Variants in NCOA1 observed in about 807,000 individuals in gnomAD.
The protein encoded by NCOA1 is nuclear receptor coactivator 1, also known as Hin-2 protein.
Under a neutral mutation model 150.9 loss-of-function variants are expected in NCOA1, and 35 were observed. The observed-to-expected ratio is 0.23, with a 90% CI of 0.18 to 0.31. The LOEUF (loss-of-function observed/expected upper bound fraction) is 0.31. Ranked by LOEUF, NCOA1 falls within the 10% of genes least tolerant of loss-of-function variation. The probability of loss-of-function intolerance (pLI) is 1.00; values close to 1 mark genes in which losing one functional copy is unlikely to be tolerated. For synonymous variants in NCOA1, 590 were observed against 630.0 expected (o/e 0.94, Z 0.95); for missense variants, 1,491 against 1,749.3 (o/e 0.85, Z 2.63).
chr2:24,766,150 T>C (rs1188043884), intron 22 of NCOA1, among the ~76,000 whole-genome samples: 1 of 152,184 alleles, frequency 6.6e-6, no homozygotes, highest in Non-Finnish European at 1.5e-5. Context: ...TCCTCCTGCC[T>C]CAGCCTCCCA....
At chr2:24,542,388 T>G (rs1339248361) in intron 1 of NCOA1, among the ~76,000 whole-genome samples, 1 of 152,190 alleles carries the variant, frequency 6.6e-6, no homozygotes, top group Non-Finnish European at 1.5e-5. Flanking sequence ...TGGAATCCAG[T>G]CTTCTATTTA....
intron 3 of NCOA1, among the ~76,000 whole-genome samples, chr2:24,618,947 G>A (rs1465501839): frequency 1.3e-5 from 2 of 152,148 alleles, no homozygotes; most frequent in Non-Finnish European, 2.9e-5. Flanking sequence ...TGGTTAAATA[G>A]GAAAGAGGAG....
chr2:24,657,939 A>T (rs1184281233), intron 4 of NCOA1, among the ~76,000 whole-genome samples: 1 of 152,190 alleles, frequency 6.6e-6, no homozygotes, highest in Non-Finnish European at 1.5e-5. Context: ...TATGGAGAAT[A>T]ATGGTTGATG....
At chr2:24,705,038 C>T (rs754505859) in intron 11 of NCOA1, 48 bp from the exon 12 acceptor site, 23 of 1,581,712 alleles carry the variant, frequency 1.5e-5, no homozygotes, top group South Asian at 4.6e-5. Flanking sequence ...TTAAAGCCAG[C>T]GTATAAGTAT....
Position 24,584,926 on chromosome 2 carries a change from C to T in NCOA1, c.-175+366C>T, listed in dbSNP as rs141115948. Among the ~76,000 whole-genome samples, 3 of 152,334 alleles carry T rather than the reference C, an allele frequency of 2.0e-5. No individual in the cohort carries two copies. The East Asian group carries it at 5.8e-4, about 29-fold the overall frequency. On this transcript the variant is annotated intron_variant, in intron 3 of 22. Transcript: ENST00000348332. The stretch of plus-strand genomic sequence containing the variant: ...ATTAGTGACTGATATTGATATTTTA[C>T]ATTGAAGAAACCGGTGTTCAAAATG...
chr2:24,625,882 TGA>T (rs777672505), intron 3 of NCOA1, among the ~76,000 whole-genome samples: 2 of 152,226 alleles, frequency 1.3e-5, no homozygotes, highest in Non-Finnish European at 2.9e-5. Context: ...CAGCACACTC[TGA>T]GAAGTTTAAT....
intron 14 of NCOA1, among the ~76,000 whole-genome samples, chr2:24,723,845 AAC>A (rs1397839497): frequency 6.6e-6 from 1 of 152,184 alleles, no homozygotes; most frequent in Non-Finnish European, 1.5e-5. Flanking sequence ...TGCCAAATGT[AAC>A]ACAAAACTAA....
intron 6 of NCOA1, among the ~76,000 whole-genome samples, chr2:24,666,991 A>G (rs1352156055): frequency 6.6e-6 from 1 of 152,216 alleles, no homozygotes; most frequent in East Asian, 1.9e-4. Flanking sequence ...TGCCACAGAA[A>G]AAGTGCTTCT....
intron 3 of NCOA1, among the ~76,000 whole-genome samples, chr2:24,595,664 C>T (rs1667854444): frequency 6.6e-6 from 1 of 152,070 alleles, no homozygotes; most frequent in African/African-American, 2.4e-5. Flanking sequence ...GTCAAATTAG[C>T]AGGGGACACA....
chr2:24,568,753 T>C (rs1666611133), intron 2 of NCOA1, among the ~76,000 whole-genome samples: 1 of 152,180 alleles, frequency 6.6e-6, no homozygotes, highest in South Asian at 2.1e-4. Context: ...AAATGAGCTT[T>C]TGGCACAAAT....
intron 1 of NCOA1, among the ~76,000 whole-genome samples, chr2:24,526,290 A>G (rs1366228398): frequency 2.0e-5 from 3 of 151,576 alleles, no homozygotes; most frequent in Non-Finnish European, 2.9e-5. Flanking sequence ...TCTATTCCAC[A>G]TTTTGTTTTC....
At chr2:24,716,505 AAATG>A (rs1216622702) in intron 14 of NCOA1, among the ~76,000 whole-genome samples, 1 of 152,200 alleles carries the variant, frequency 6.6e-6, no homozygotes, top group Non-Finnish European at 1.5e-5. Context: ...ATGTAGAAAA[AAATG>A]AACCTCAACC....
intron 6 of NCOA1, among the ~76,000 whole-genome samples, chr2:24,667,543 C>A (rs1280934907): frequency 6.6e-6 from 1 of 152,044 alleles, no homozygotes; most frequent in African/African-American, 2.4e-5. Flanking sequence ...CTGAAGAAAA[C>A]TTAAAAAGAT....
intron 1 of NCOA1, among the ~76,000 whole-genome samples, chr2:24,550,529 C>G (rs868567516): frequency 1.3e-5 from 2 of 152,278 alleles, no homozygotes; most frequent in Non-Finnish European, 2.9e-5. Context: ...TATTCACTAC[C>G]ATGAGAACAG....
At chr2:24,666,303 C>T (rs1038265092) in intron 6 of NCOA1, among the ~76,000 whole-genome samples, 7 of 151,958 alleles carry the variant, frequency 4.6e-5, no homozygotes, top group South Asian at 2.1e-4. Flanking sequence ...CGTGAGCCAC[C>T]GCACCTGGCC....
intron 3 of NCOA1, among the ~76,000 whole-genome samples, chr2:24,596,766 T>A (rs1667903015): frequency 6.6e-6 from 1 of 152,152 alleles, no homozygotes; most frequent in African/African-American, 2.4e-5. Context: ...AAATAAAGGT[T>A]TTATGATTTA....
At position 24,560,897 on chromosome 2, in the gene NCOA1, C is replaced by T. The variant is rs1039928481; in HGVS notation, c.-395-3398C>T. On this transcript the variant is annotated intron_variant, in intron 1 of 22. Coordinates refer to ENST00000348332, the MANE Select transcript of NCOA1 (RefSeq NM_003743.5). ...AAATCACACCACAGAGGTTTCTGTG[C>T]TGTTTGGTTTGTGTAGTTGTTGTTG... Among the ~76,000 whole-genome samples the T allele has an allele frequency of 2.0e-5, 3 of 152,090 alleles. No homozygotes were observed. In the East Asian group the frequency reaches 5.8e-4, roughly 29 times the overall value.
chr2:24,710,897 A>G lies in NCOA1; in HGVS notation c.2419-34A>G, dbSNP rs779242945. ...ACGTTGTTTCAGGTGAAAGTGTAAA[A>G]TATATTTCCTCTAACTTTGGTTTCC... On this transcript the variant is annotated intron_variant, in intron 13 of 22. Coordinates refer to ENST00000348332, the MANE Select transcript of NCOA1 (RefSeq NM_003743.5). 27 of 1,601,062 alleles carry G rather than the reference A, an allele frequency of 1.7e-5. No homozygotes were observed. The East Asian group carries it at 6.0e-4, about 36-fold the overall frequency.
chr2:24,694,557 A>G (rs1024541844), intron 10 of NCOA1, among the ~76,000 whole-genome samples: 1 of 152,166 alleles, frequency 6.6e-6, no homozygotes, highest in Non-Finnish European at 1.5e-5. Context: ...TTTTAGAGAT[A>G]AACTTCCAAC....
Sources: gnomAD v4.1 joint callset for allele counts (sites outside exome capture counted in the v4.1 genomes callset) on GRCh38, gnomAD v4.1.1 for gene constraint, MANE v1.5 for transcripts, NCBI Gene and HGNC (gene_info 2026-07-23, HGNC 2026-07-21) for gene names.